SSBP2: variants seen among roughly 807,000 people sequenced by gnomAD.
SSBP2 encodes the protein single-stranded DNA-binding protein 2.
Under a neutral mutation model 61.8 loss-of-function variants are expected in SSBP2, and 17 were observed. The observed-to-expected ratio is 0.28, with a 90% CI of 0.19 to 0.41. SSBP2 has a LOEUF of 0.41. Ranked by LOEUF, SSBP2 falls within the 10% of genes least tolerant of loss-of-function variation. The pLI, the probability that SSBP2 is intolerant of heterozygous loss-of-function variation, is 1.00. For synonymous variants in SSBP2, 139 were observed against 141.3 expected, an observed-to-expected ratio of 0.98 and a Z score of 0.12; for missense variants, 310 against 458.7, an observed-to-expected ratio of 0.68 and a Z score of 2.96.
At chr5:81,733,292 G>T (rs1475287855) in intron 1 of SSBP2, among the ~76,000 whole-genome samples, 1 of 152,008 alleles carries the variant, frequency 6.6e-6, no homozygotes, top group African/African-American at 2.4e-5. Context: ...TAATAGAAGA[G>T]AACTAATCAT....
intron 4 of SSBP2, among the ~76,000 whole-genome samples, chr5:81,611,449 TA>T (rs1297308755): frequency 6.6e-6 from 1 of 152,166 alleles, no homozygotes; most frequent in African/African-American, 2.4e-5. Context: ...CACTTTTACT[TA>T]AAAAAATCTT....
At chr5:81,491,693 T>C (rs943678581) in intron 5 of SSBP2, among the ~76,000 whole-genome samples, 1 of 152,114 alleles carries the variant, frequency 6.6e-6, no homozygotes, top group African/African-American at 2.4e-5. Flanking sequence ...TAAGTTCAAA[T>C]TTGTATGTTT....
rs766994399 is a variant in SSBP2 at position 81,415,922 on chromosome 5, A to AAAAAAAAAAAAAAAAAAAAAAAAAAAAAG, written c.*4581_*4582insCTTTTTTTTTTTTTTTTTTTTTTTTTTTT. The stretch of plus-strand genomic sequence containing the variant: ...GCAAGATTCTGACTCAAAAAAAAAA[A>AAAAAAAAAAAAAAAAAAAAAAAAAAAAAG]AAAAAAAGAGGAAAACCTGATCAAG... On this transcript the variant is annotated 3_prime_UTR_variant, in exon 17 of 17. Coordinates refer to ENST00000320672, the MANE Select transcript of SSBP2 (RefSeq NM_012446.5). 1 of 73,742 alleles carries AAAAAAAAAAAAAAAAAAAAAAAAAAAAAG rather than the reference A, an allele frequency of 1.4e-5. No homozygotes were observed. The highest frequency in any genetic ancestry group is 2.3e-5 in the Non-Finnish European group (1 of 43,590). The allele number at this position is 73,742 out of a possible 1,614,324, so 4.6% of individuals were successfully genotyped here. A position where few individuals can be genotyped will look rare whatever the true frequency, so the allele number is the denominator to read the frequency against.
At chr5:81,629,835 T>G (rs1747533195) in intron 3 of SSBP2, among the ~76,000 whole-genome samples, 1 of 152,206 alleles carries the variant, frequency 6.6e-6, no homozygotes, top group African/African-American at 2.4e-5. Context: ...CATAGTACCT[T>G]TTGTGTGTCC....
chr5:81,730,221 C>G (rs1327765950), intron 1 of SSBP2, among the ~76,000 whole-genome samples: 1 of 151,996 alleles, frequency 6.6e-6, no homozygotes, highest in African/African-American at 2.4e-5. Flanking sequence ...AGTAAGTGTA[C>G]TTTTAAAAGA....
rs1468196684 is a variant in SSBP2 at position 81,488,056 on chromosome 5, TATAA to T, written c.432+1190_432+1193del. Among the ~76,000 whole-genome samples, 47 of 83,654 alleles carry T rather than the reference TATAA, an allele frequency of 5.6e-4. 1 individual carries two copies. The highest frequency in any genetic ancestry group is 4.6e-3 in the South Asian group (13 of 2,818). The allele number at this position is 83,654 out of a possible 152,430, so 54.9% of individuals were successfully genotyped here. A position where few individuals can be genotyped will look rare whatever the true frequency, so the allele number is the denominator to read the frequency against. ...ATATATATATATATATATATATATA[TATAA>T]ATAAAATATCATATATTATATATAT... On this transcript the variant is annotated intron_variant, in intron 6 of 16. Coordinates refer to ENST00000320672, the MANE Select transcript of SSBP2 (RefSeq NM_012446.5).
At chr5:81,437,486 T>G (rs1762745671) in intron 14 of SSBP2, 28 bp from the exon 15 acceptor site, 4 of 1,587,886 alleles carry the variant, frequency 2.5e-6, no homozygotes, top group Non-Finnish European at 3.4e-6. Context: ...AAGAAAGCCT[T>G]TATTAGGTAA....
intron 1 of SSBP2, among the ~76,000 whole-genome samples, chr5:81,652,006 C>T (rs192068656): frequency 1.3e-5 from 2 of 152,282 alleles, no homozygotes; most frequent in Admixed American, 6.5e-5. Context: ...TTCCATGTGG[C>T]TTCTAAACCC....
At chr5:81,689,475 G>C (rs951075004) in intron 1 of SSBP2, among the ~76,000 whole-genome samples, 1 of 151,380 alleles carries the variant, frequency 6.6e-6, no homozygotes, top group African/African-American at 2.4e-5. Flanking sequence ...AGCAGCAAAA[G>C]AGAAACAAAT....
At chr5:81,518,521 T>C (rs1769212754) in intron 4 of SSBP2, among the ~76,000 whole-genome samples, 1 of 152,126 alleles carries the variant, frequency 6.6e-6, no homozygotes, top group African/African-American at 2.4e-5. Flanking sequence ...ACCCAGATGC[T>C]GGTGCCTTAA....
chr5:81,708,644 C>G (rs2153921985), intron 1 of SSBP2, among the ~76,000 whole-genome samples: 1 of 140,246 alleles, frequency 7.1e-6, no homozygotes, highest in Admixed American at 7.5e-5. Flanking sequence ...TCAGAGACAA[C>G]CAGAAAATTA....
intron 5 of SSBP2, among the ~76,000 whole-genome samples, chr5:81,489,721 T>C (rs1020321779): frequency 3.9e-5 from 6 of 152,246 alleles, no homozygotes; most frequent in African/African-American, 1.4e-4. Context: ...GGTTTGGTTA[T>C]CAATTCCTTT....
intron 1 of SSBP2, 114 bp downstream of exon 1, chr5:81,750,867 C>CCACCCCCCGCG: frequency 8.2e-7 from 1 of 1,225,894 alleles, no homozygotes; most frequent in Non-Finnish European, 1.2e-6. Context: ...CCCTGCCAGC[C>CCACCCCCCGCG]CACCCCCGGC....
chr5:81,582,368 C>A (rs1342095397), intron 4 of SSBP2, among the ~76,000 whole-genome samples: 1 of 152,112 alleles, frequency 6.6e-6, no homozygotes, highest in African/African-American at 2.4e-5. Context: ...TAATTATTCT[C>A]ATAAATTCAC....
chr5:81,508,586 T>A lies in SSBP2; in HGVS notation c.372+5042A>T, dbSNP rs62366249. Reference sequence around the variant, plus strand: ...CTAAAGACTGCCTTCCAGAATGGATTTATTAAGTGTACCAAGTTATATCAT... The same window carrying A: ...CTAAAGACTGCCTTCCAGAATGGATATATTAAGTGTACCAAGTTATATCAT... On this transcript the variant is annotated intron_variant, in intron 5 of 16. Transcript: ENST00000320672. 1.1e-3 allele frequency among the ~76,000 whole-genome samples: 170 copies of A among 152,292 alleles called. 2 individuals are homozygous for A. Among genetic ancestry groups the A allele is most frequent in the Non-Finnish European group, 1.9e-3 (132 of 68,008 alleles).
At chr5:81,638,313 C>CA (rs1350406324) in intron 2 of SSBP2, among the ~76,000 whole-genome samples, 1 of 149,298 alleles carries the variant, frequency 6.7e-6, no homozygotes, top group Non-Finnish European at 1.5e-5. Context: ...AACTCAACAG[C>CA]AAAAAATAAA....
intron 1 of SSBP2, among the ~76,000 whole-genome samples, chr5:81,728,743 T>C (rs928600831): frequency 7.9e-5 from 12 of 152,184 alleles, no homozygotes; most frequent in Admixed American, 7.9e-4. Context: ...TTTTAAAATA[T>C]TAAAGCTCCA....
intron 1 of SSBP2, among the ~76,000 whole-genome samples, chr5:81,747,022 TG>T (rs60355265): frequency 0.14 from 12,440 of 87,090 alleles, 972 homozygotes; most frequent in Middle Eastern, 0.29. Flanking sequence ...ACAAAATTCC[TG>T]GGGGGGGGGG....
chr5:81,636,708 A>G, intron 2 of SSBP2, 90 bp from the exon 3 acceptor site: 5 of 982,510 alleles, frequency 5.1e-6, no homozygotes, highest in East Asian at 2.7e-5. Flanking sequence ...AAAATACTAT[A>G]GTAATATTTG....
Sources: allele counts gnomAD v4.1 joint callset (sites outside exome capture counted in the v4.1 genomes callset), GRCh38; gene constraint gnomAD v4.1.1; transcripts MANE v1.5; gene names NCBI Gene and HGNC (gene_info 2026-07-23, HGNC 2026-07-21).